Variants in USH2A observed in about 807,000 individuals in gnomAD.
The protein encoded by USH2A is usherin, also known as Usher syndrome 2A (autosomal recessive, mild).
Under a neutral mutation model 538.9 loss-of-function variants are expected in USH2A, and 443 were observed. The ratio of observed to expected loss-of-function variants is 0.82; its 90% CI spans 0.76 to 0.89. The LOEUF (loss-of-function observed/expected upper bound fraction) is 0.89, where lower values mean the gene tolerates loss of function less well. Among genes scored for constraint, USH2A ranks in the 40% least tolerant of loss-of-function variants. USH2A has a pLI of 0.00. For synonymous variants in USH2A, 2,413 were observed against 2,273.5 expected (o/e 1.06, Z -1.75); for missense variants, 6,633 against 6,324.8 (o/e 1.05, Z -1.65).
chr1:216,236,523 G>C (rs1464509151), intron 13 of USH2A, among the ~76,000 whole-genome samples: 1 of 152,152 alleles, frequency 6.6e-6, no homozygotes, highest in Non-Finnish European at 1.5e-5. Flanking sequence ...ACAGATGTAT[G>C]AATGAAATGG....
At chr1:215,756,058 T>A (rs989821262) in intron 58 of USH2A, among the ~76,000 whole-genome samples, 7 of 152,124 alleles carry the variant, frequency 4.6e-5, no homozygotes, top group Non-Finnish European at 1.0e-4. Flanking sequence ...GATAAAAAAA[T>A]AATTCTTCAA....
intron 60 of USH2A, among the ~76,000 whole-genome samples, chr1:215,732,046 G>T (rs965413204): frequency 2.0e-5 from 3 of 152,048 alleles, no homozygotes; most frequent in Non-Finnish European, 4.4e-5. Flanking sequence ...AAAAATCATT[G>T]GGTAAAATGT....
At chr1:216,218,933 G>A (rs1178162515) in intron 14 of USH2A, among the ~76,000 whole-genome samples, 4 of 151,690 alleles carry the variant, frequency 2.6e-5, no homozygotes, top group Non-Finnish European at 4.4e-5. Flanking sequence ...ATTGTTTATA[G>A]GCTTTTAATA....
At chr1:216,348,723 AG>A (rs1446067648) in intron 4 of USH2A, among the ~76,000 whole-genome samples, 2 of 152,200 alleles carry the variant, frequency 1.3e-5, no homozygotes, top group Non-Finnish European at 1.5e-5. Context: ...GAGACTGAAA[AG>A]AAAAAGAATT....
chr1:215,690,300 G>A (rs1230592185), intron 61 of USH2A, among the ~76,000 whole-genome samples: 2 of 152,140 alleles, frequency 1.3e-5, no homozygotes, highest in African/African-American at 2.4e-5. Context: ...ACACTAAGGT[G>A]GCTGGCCATC....
chr1:216,292,334 A>C lies in USH2A; in HGVS notation c.1681T>G (p.Phe561Val), dbSNP rs866869828. ...GCGTAAACTTGATCACCTTGGCGGAAAGGCTTGTCATTATAAAGAGGCAAG... is the reference window on the plus strand; with the variant it reads ...GCGTAAACTTGATCACCTTGGCGGACAGGCTTGTCATTATAAAGAGGCAAG... ...RCLPLYNDKP[F>V]RQGDQVYAFN... The change falls in exon 10 of 72, where the codon TTC becomes GTC. Residue 561 changes from phenylalanine to valine, a missense_variant. Transcript: ENST00000307340. 6.2e-7 allele frequency: 1 copy of C among 1,614,034 alleles called. No individual in the cohort carries two copies. The highest frequency in any genetic ancestry group is 8.5e-7 in the Non-Finnish European group (1 of 1,179,930).
chr1:216,133,862 C>T (rs2033427521), intron 21 of USH2A, among the ~76,000 whole-genome samples: 1 of 152,060 alleles, frequency 6.6e-6, no homozygotes, highest in Non-Finnish European at 1.5e-5. Flanking sequence ...AATCTCTTTT[C>T]CTTTTTTAGT....
chr1:215,716,375 C>A (rs558331106), intron 61 of USH2A, among the ~76,000 whole-genome samples: 1 of 152,278 alleles, frequency 6.6e-6, no homozygotes, highest in African/African-American at 2.4e-5. Context: ...CTTATAGAAA[C>A]CAACCCATTA....
At chr1:216,276,179 C>T (rs745801902) in intron 11 of USH2A, among the ~76,000 whole-genome samples, 4 of 152,170 alleles carry the variant, frequency 2.6e-5, no homozygotes, top group Non-Finnish European at 4.4e-5. Context: ...AACTGCTTTA[C>T]CAGCTTTGGT....
intron 38 of USH2A, 40 bp downstream of exon 38, chr1:215,934,576 T>C (rs1666442782): frequency 1.3e-6 from 2 of 1,593,240 alleles, no homozygotes; most frequent in East Asian, 2.2e-5. Flanking sequence ...TTCTAGGGCA[T>C]TTATATAAAA....
intron 67 of USH2A, among the ~76,000 whole-genome samples, chr1:215,642,585 TA>T (rs1166612107): frequency 6.6e-6 from 1 of 152,214 alleles, no homozygotes; most frequent in Non-Finnish European, 1.5e-5. Context: ...TAAATTATAT[TA>T]AAACAAAGCT....
chr1:216,205,493 A>G (rs2035091605), intron 16 of USH2A, among the ~76,000 whole-genome samples: 1 of 152,204 alleles, frequency 6.6e-6, no homozygotes, highest in Non-Finnish European at 1.5e-5. Flanking sequence ...ATAAGAAACT[A>G]AATTCCAGTT....
intron 21 of USH2A, among the ~76,000 whole-genome samples, chr1:216,171,765 A>C (rs1246496575): frequency 6.6e-6 from 1 of 152,086 alleles, no homozygotes; most frequent in African/African-American, 2.4e-5. Flanking sequence ...CAGAAGCACA[A>C]AAAATGATTA....
At chr1:216,047,212 T>A (rs911079184) in intron 31 of USH2A, among the ~76,000 whole-genome samples, 21 of 152,270 alleles carry the variant, frequency 1.4e-4, no homozygotes, top group Admixed American at 8.5e-4. Flanking sequence ...AGTTTGGGAA[T>A]GTCTTTAAAA....
rs1029932016 is a variant in USH2A at position 215,900,299 on chromosome 1, T to C, written c.7452-82A>G. Reference sequence around the variant, plus strand: ...AAGTAAATTTCTTACTACAAAAAAATTTTAGAGGATGTCAACATACATTTA... The same window carrying C: ...AAGTAAATTTCTTACTACAAAAAAACTTTAGAGGATGTCAACATACATTTA... On this transcript the variant is annotated intron_variant, in intron 39 of 71. Coordinates refer to ENST00000307340, the MANE Select transcript of USH2A (RefSeq NM_206933.4). 114 of 1,432,266 alleles carry C rather than the reference T, an allele frequency of 8.0e-5. No homozygotes were observed. In the African/African-American group the frequency reaches 1.5e-3, roughly 19 times the overall value. The allele number at this position is 1,432,266 out of a possible 1,614,324, so 88.7% of individuals were successfully genotyped here.
chr1:215,712,122 C>A (rs1405023304), intron 61 of USH2A, among the ~76,000 whole-genome samples: 1 of 152,184 alleles, frequency 6.6e-6, no homozygotes, highest in East Asian at 1.9e-4. Context: ...CCTTTAGCGA[C>A]TCCCAACCCA....
In USH2A at chr1:216,072,702, G is replaced by A. The variant is rs17026017; in HGVS notation, c.5857+187C>T. On this transcript the variant is annotated intron_variant, in intron 29 of 71. Coordinates refer to ENST00000307340, the MANE Select transcript of USH2A (RefSeq NM_206933.4). ...TGAGCAAGTATTTAGTGAATTCTTG[G>A]TAAATGAAAAGCACTGATCTACTAA... 0.11 allele frequency: 69,853 copies of A among 633,892 alleles called. 8,584 individuals carry two copies. Among genetic ancestry groups the A allele is most frequent in the African/African-American group, 0.49 (27,064 of 54,820 alleles). 39.3% of individuals were successfully genotyped at this position (633,892 alleles called of 1,614,324 possible). A position where few individuals can be genotyped will look rare whatever the true frequency, so the allele number is the denominator to read the frequency against.
intron 61 of USH2A, among the ~76,000 whole-genome samples, chr1:215,694,249 T>C (rs1658719415): frequency 6.6e-6 from 1 of 152,162 alleles, no homozygotes; most frequent in Non-Finnish European, 1.5e-5. Flanking sequence ...CTTTTCGATT[T>C]AAATTAAAAC....
intron 56 of USH2A, among the ~76,000 whole-genome samples, chr1:215,763,491 C>T (rs189488245): frequency 6.6e-6 from 1 of 151,876 alleles, no homozygotes; most frequent in East Asian, 1.9e-4. Flanking sequence ...CACATAAAGT[C>T]GTAGAAATGT....
Sources: gnomAD v4.1 joint callset for allele counts (sites outside exome capture counted in the v4.1 genomes callset) on GRCh38, gnomAD v4.1.1 for gene constraint, MANE v1.5 for transcripts, NCBI Gene and HGNC (gene_info 2026-07-23, HGNC 2026-07-21) for gene names.